The following SNTG1 variants were observed in gnomAD, a reference collection of about 807,000 sequenced individuals.
SNTG1 encodes syntrophin gamma 1.
In SNTG1, 39 loss-of-function variants were observed where a neutral mutation model predicts 74.7. The ratio of observed to expected loss-of-function variants is 0.52; its 90% CI spans 0.40 to 0.68. SNTG1 has a LOEUF of 0.68. SNTG1 is among the 30% of genes least tolerant of loss of function. The pLI is 0.00. For synonymous variants in SNTG1, 254 were observed against 217.1 expected (o/e 1.17, Z -1.49); for missense variants, 685 against 609.5 (o/e 1.12, Z -1.30).
At position 49,994,421 on chromosome 8, in the gene SNTG1, AT is replaced by A. The variant is rs35821274; in HGVS notation, c.-103+82205del. On this transcript the variant is annotated intron_variant, in intron 1 of 18. Coordinates refer to ENST00000642720, the MANE Select transcript of SNTG1 (RefSeq NM_018967.5). ...CAGGCACCCGCCACCATGCCCGGCT[AT>A]TTTTTTTTTTTTTTGTATTTTTAGT... is the stretch of plus-strand genomic sequence containing the variant. 5.6e-3 allele frequency among the ~76,000 whole-genome samples: 761 copies of A among 135,080 alleles called. 2 individuals carry two copies. Among genetic ancestry groups the A allele is most frequent in the African/African-American group, 0.017 (625 of 36,410 alleles). 88.6% of individuals were successfully genotyped at this position (135,080 alleles called of 152,430 possible).
intron 17 of SNTG1, among the ~76,000 whole-genome samples, chr8:50,733,783 T>C (rs530986951): frequency 6.6e-6 from 1 of 152,002 alleles, no homozygotes; most frequent in Admixed American, 6.6e-5. Context: ...AGTTTTTTCT[T>C]TTCTTTATCA....
intron 1 of SNTG1, among the ~76,000 whole-genome samples, chr8:50,096,057 G>T (rs1373374226): frequency 6.6e-6 from 1 of 151,820 alleles, no homozygotes; most frequent in African/African-American, 2.4e-5. Context: ...CTAAAACCTG[G>T]AAATTGCACT....
intron 4 of SNTG1, among the ~76,000 whole-genome samples, chr8:50,410,858 T>A (rs2092939557): frequency 6.6e-6 from 1 of 152,222 alleles, no homozygotes; most frequent in Non-Finnish European, 1.5e-5. Flanking sequence ...TTCCTCTGGC[T>A]GCATTATAGT....
At chr8:50,046,073 T>C (rs894630080) in intron 1 of SNTG1, among the ~76,000 whole-genome samples, 1 of 152,256 alleles carries the variant, frequency 6.6e-6, no homozygotes, top group African/African-American at 2.4e-5. Flanking sequence ...CAAATTATCT[T>C]GTGCTTGTGA....
intron 1 of SNTG1, among the ~76,000 whole-genome samples, chr8:50,151,176 T>C (rs1417275447): frequency 2.6e-5 from 4 of 152,226 alleles, no homozygotes. Context: ...CCATTTCTTC[T>C]AGATTTTCTA....
At chr8:50,039,221 C>T (rs1226792520) in intron 1 of SNTG1, among the ~76,000 whole-genome samples, 2 of 151,968 alleles carry the variant, frequency 1.3e-5, no homozygotes, top group Middle Eastern at 3.4e-3. Flanking sequence ...TTTAGGAGGC[C>T]GAGGAGGGCA....
chr8:50,712,014 A>C lies in SNTG1; in HGVS notation c.1284+3036A>C, dbSNP rs191792788. Among the ~76,000 whole-genome samples, 283 of 152,378 alleles carry C rather than the reference A, an allele frequency of 1.9e-3. 1 individual carries two copies. The highest frequency in any genetic ancestry group is 6.7e-3 in the African/African-American group (277 of 41,594). Reference sequence around the variant, plus strand: ...TATTCTTTTAAAAATGTATATGTGCATTAATTAATTTTATATAGTGATAGA... The same window carrying C: ...TATTCTTTTAAAAATGTATATGTGCCTTAATTAATTTTATATAGTGATAGA... On this transcript the variant is annotated intron_variant, in intron 17 of 18. Transcript: ENST00000642720.
chr8:50,416,271 G>T (rs1396682969), intron 4 of SNTG1, among the ~76,000 whole-genome samples: 2 of 152,072 alleles, frequency 1.3e-5, no homozygotes, highest in Non-Finnish European at 2.9e-5. Context: ...TGCCATGGAG[G>T]TTATAAGCAT....
chr8:50,250,129 T>C (rs944581699), intron 2 of SNTG1, among the ~76,000 whole-genome samples: 1 of 151,484 alleles, frequency 6.6e-6, no homozygotes, highest in African/African-American at 2.4e-5. Flanking sequence ...ATAGATACTA[T>C]AAAAAACAGA....
At chr8:50,194,341 C>A (rs1055196084) in intron 2 of SNTG1, among the ~76,000 whole-genome samples, 4 of 152,064 alleles carry the variant, frequency 2.6e-5, no homozygotes, top group African/African-American at 9.7e-5. Flanking sequence ...GCATTTCCAT[C>A]TCCCTGCTTG....
intron 1 of SNTG1, among the ~76,000 whole-genome samples, chr8:49,995,066 C>T (rs750668075): frequency 1.3e-5 from 2 of 151,812 alleles, no homozygotes; most frequent in Non-Finnish European, 2.9e-5. Context: ...ATGTGAGAAT[C>T]GAGAGATTGT....
intron 2 of SNTG1, among the ~76,000 whole-genome samples, chr8:50,304,175 G>A (rs778536599): frequency 6.6e-6 from 1 of 152,014 alleles, no homozygotes; most frequent in Non-Finnish European, 1.5e-5. Flanking sequence ...GCATATCTTG[G>A]GTGTGAGTTC....
At chr8:50,371,117 C>G (rs1471498978) in intron 2 of SNTG1, among the ~76,000 whole-genome samples, 1 of 152,092 alleles carries the variant, frequency 6.6e-6, no homozygotes, top group Non-Finnish European at 1.5e-5. Flanking sequence ...GAGAAAAGCC[C>G]AGCCATTCAC....
At chr8:50,640,297 T>C (rs1286211486) in intron 13 of SNTG1, among the ~76,000 whole-genome samples, 1 of 152,172 alleles carries the variant, frequency 6.6e-6, no homozygotes, top group Non-Finnish European at 1.5e-5. Flanking sequence ...ATAGTACAGG[T>C]TGAAAGACTT....
At chr8:50,437,151 T>C (rs990963135) in intron 4 of SNTG1, among the ~76,000 whole-genome samples, 1 of 152,168 alleles carries the variant, frequency 6.6e-6, no homozygotes, top group African/African-American at 2.4e-5. Flanking sequence ...TTGAAATAGA[T>C]GAAATTACTC....
intron 1 of SNTG1, among the ~76,000 whole-genome samples, chr8:49,967,186 G>A (rs896646709): frequency 1.3e-4 from 20 of 152,120 alleles, no homozygotes; most frequent in Admixed American, 2.0e-4. Flanking sequence ...AAAAACAGAT[G>A]TACAGTATAG....
chr8:50,481,793 G>A (rs1397961821), intron 8 of SNTG1, among the ~76,000 whole-genome samples: 3 of 152,060 alleles, frequency 2.0e-5, no homozygotes, highest in Non-Finnish European at 4.4e-5. Context: ...ATCCTTTTAC[G>A]TCTCTTTCAC....
chr8:50,460,911 C>A (rs1587702576), intron 8 of SNTG1, among the ~76,000 whole-genome samples: 2 of 152,086 alleles, frequency 1.3e-5, no homozygotes, highest in South Asian at 2.1e-4. Context: ...ATATTAATAT[C>A]TTTTGATATT....
chr8:50,424,465 G>T (rs1409326432), intron 4 of SNTG1, among the ~76,000 whole-genome samples: 1 of 152,156 alleles, frequency 6.6e-6, no homozygotes, highest in Non-Finnish European at 1.5e-5. Flanking sequence ...ATGGATGAGT[G>T]ACGAAAGTCA....
Sources: allele counts gnomAD v4.1 joint callset (sites outside exome capture counted in the v4.1 genomes callset), GRCh38; gene constraint gnomAD v4.1.1; transcripts MANE v1.5; gene names NCBI Gene and HGNC (gene_info 2026-07-23, HGNC 2026-07-21).